KIF24: variants seen among roughly 807,000 people sequenced by gnomAD.
KIF24 encodes kinesin family member 24.
Under a neutral mutation model 118.9 loss-of-function variants are expected in KIF24, and 81 were observed. That is an observed-to-expected ratio of 0.68 (90% CI 0.57 to 0.82). The LOEUF is 0.82. Among genes scored for constraint, KIF24 ranks in the 40% least tolerant of loss-of-function variants. The probability of loss-of-function intolerance (pLI) is 0.00; values close to 1 mark genes in which losing one functional copy is unlikely to be tolerated. For missense variants in KIF24, 1,560 were observed against 1,661.6 expected, an observed-to-expected ratio of 0.94 and a Z score of 1.06; for synonymous variants, 599 against 610.0, an observed-to-expected ratio of 0.98 and a Z score of 0.27.
intron 3 of KIF24, among the ~76,000 whole-genome samples, chr9:34,301,338 C>T (rs1836698399): frequency 6.6e-6 from 1 of 151,532 alleles, no homozygotes; most frequent in Non-Finnish European, 1.5e-5. Flanking sequence ...ACCTCCACCT[C>T]CCAGGTTCAA....
At chr9:34,310,579 T>C in intron 2 of KIF24, 145 bp downstream of exon 2, 1 of 565,356 alleles carries the variant, frequency 1.8e-6, no homozygotes, top group Non-Finnish European at 3.0e-6. Context: ...ATTCCTATTA[T>C]TGATGCAAAT....
At chr9:34,312,578 G>A (rs1837205263) in intron 1 of KIF24, among the ~76,000 whole-genome samples, 1 of 152,188 alleles carries the variant, frequency 6.6e-6, no homozygotes, top group South Asian at 2.1e-4. Context: ...AGAGGTGAGG[G>A]CAAGGTAATA....
intron 1 of KIF24, among the ~76,000 whole-genome samples, chr9:34,317,387 TAA>T (rs34841457): frequency 9.7e-5 from 14 of 144,920 alleles, no homozygotes; most frequent in South Asian, 2.2e-4. Flanking sequence ...GAGACTGTCT[TAA>T]AAAAAAAAAA....
intron 5 of KIF24, among the ~76,000 whole-genome samples, chr9:34,287,869 T>C (rs942345571): frequency 6.7e-6 from 1 of 149,274 alleles, no homozygotes; most frequent in African/African-American, 2.5e-5. Flanking sequence ...GAATAGTCAC[T>C]ATGTTACAGC....
intron 1 of KIF24, among the ~76,000 whole-genome samples, chr9:34,320,332 C>CAAAAAAAAAAAAAAAAAA (rs66835823): frequency 9.4e-6 from 1 of 106,332 alleles, no homozygotes; most frequent in African/African-American, 4.0e-5. Flanking sequence ...AATGTTCCAA[C>CAAAAAAAAAAAAAAAAAA]AAAAAAAAAA....
At chr9:34,302,798 C>T (rs1445018313) in intron 3 of KIF24, among the ~76,000 whole-genome samples, 11 of 139,760 alleles carry the variant, frequency 7.9e-5, no homozygotes, top group Admixed American at 1.5e-4. Flanking sequence ...TTTTCTGAGA[C>T]GGAGTCTCCC....
At chr9:34,295,181 T>C (rs538983632) in intron 4 of KIF24, among the ~76,000 whole-genome samples, 3 of 133,004 alleles carry the variant, frequency 2.3e-5, no homozygotes, top group Admixed American at 8.1e-5. Context: ...GGTAGGTGGA[T>C]TGGATGGATG....
chr9:34,326,582 T>A (rs1837678684), intron 1 of KIF24, among the ~76,000 whole-genome samples: 1 of 152,128 alleles, frequency 6.6e-6, no homozygotes, highest in African/African-American at 2.4e-5. Context: ...GAGTCACTTA[T>A]GTAAAAATCA....
chr9:34,331,079 A>T (rs1462230046), upstream of KIF24, among the ~76,000 whole-genome samples: 1 of 152,234 alleles, frequency 6.6e-6, no homozygotes. Context: ...CAGTTAAGGG[A>T]AAAAAGGTAA....
intron 1 of KIF24, among the ~76,000 whole-genome samples, chr9:34,324,898 C>A (rs1410607300): frequency 6.6e-6 from 1 of 152,146 alleles, no homozygotes; most frequent in Non-Finnish European, 1.5e-5. Context: ...CTGGTCTCCC[C>A]CAATGTGATC....
intron 3 of KIF24, among the ~76,000 whole-genome samples, chr9:34,297,684 C>T (rs1836538692): frequency 6.6e-6 from 1 of 151,676 alleles, no homozygotes; most frequent in Non-Finnish European, 1.5e-5. Flanking sequence ...ATGGCGTGAA[C>T]CCAGGAGGTG....
At chr9:34,258,026 T>G in intron 10 of KIF24, 45 bp from the exon 11 acceptor site, 3 of 1,387,544 alleles carry the variant, frequency 2.2e-6, no homozygotes, top group Non-Finnish European at 3.0e-6. Context: ...TCACATGTTC[T>G]GCAATTCCTT....
chr9:34,329,820 T>C (rs1268173736), upstream of KIF24, among the ~76,000 whole-genome samples: 4 of 151,596 alleles, frequency 2.6e-5, no homozygotes, highest in Non-Finnish European at 5.9e-5. Flanking sequence ...TCCCTGACTC[T>C]GAGCCTTGCT....
intron 7 of KIF24, among the ~76,000 whole-genome samples, chr9:34,270,772 CTTT>C (rs909845624): frequency 7.0e-6 from 1 of 141,898 alleles, no homozygotes. Flanking sequence ...TAATTTTTAC[CTTT>C]TTTTTTTTTT....
chr9:34,257,605 A>G lies in KIF24; in HGVS notation c.2002T>C (p.Leu668=), dbSNP rs1449997550. The G allele has an allele frequency of 1.9e-6, 3 of 1,614,084 alleles. No homozygotes were observed. The highest frequency in any genetic ancestry group is 2.5e-6 in the Non-Finnish European group (3 of 1,179,906). The change falls in exon 11 of 13, where the codon TTG becomes CTG. Residue 668 remains leucine, a synonymous_variant. Coordinates refer to ENST00000402558, the MANE Select transcript of KIF24 (RefSeq NM_194313.4). ...CCCATTCGATTTTTCTCAGAGCACA[A>G]TGGTGCTGACTCTTCTGGCTTTTTT... The part of the protein sequence containing the change: ...AKKKPEESAP[L]CSEKNRMGNK...
rs1405706229 is a variant in KIF24, at chr9:34,290,198, T to C, written c.1103A>G (p.Tyr368Cys). 1 of 1,613,766 alleles carries C rather than the reference T, an allele frequency of 6.2e-7. No homozygotes were observed. Residue 368 changes from tyrosine (Y) to cysteine (C), a missense_variant, in exon 5 of 13, where the codon TAT (tyrosine) becomes TGT (cysteine). Tyr to Cys is a radical substitution (Grantham distance 194, BLOSUM62 -2). This residue lies in a region of KIF24 where 964 missense variants were observed against 988.0 expected (regional missense o/e 0.98). Transcript: ENST00000402558. ...SFYEIYCGQL[Y>C]DLLNRRKRLF... The stretch of plus-strand genomic sequence containing the variant: ...CCTTTTTCTTCTATTTAGGAGGTCA[T>C]AAAGCTGTCCACAGTAAATTTCATA...
At chr9:34,272,000 T>C in intron 6 of KIF24, 70 bp from the exon 7 acceptor site, 2 of 1,432,016 alleles carry the variant, frequency 1.4e-6, no homozygotes, top group Non-Finnish European at 1.9e-6. Flanking sequence ...AAGAGTTGGC[T>C]AAGAGCAGTA....
chr9:34,254,980 C>T, intron 12 of KIF24, 92 bp downstream of exon 12: 3 of 866,698 alleles, frequency 3.5e-6, no homozygotes, highest in Non-Finnish European at 1.8e-6. Flanking sequence ...AGACCCTTTC[C>T]CCACACACAG....
chr9:34,259,501 ACACACACACGCGTGCACACATG>A, intron 10 of KIF24, 73 bp downstream of exon 10: 2 of 846,102 alleles, frequency 2.4e-6, no homozygotes, highest in Non-Finnish European at 3.9e-6. Flanking sequence ...ATGCACTTGC[ACACACACACGCGTGCACACATG>A]CTCACACACG....
Sources: gnomAD v4.1 joint callset for allele counts (sites outside exome capture counted in the v4.1 genomes callset) on GRCh38, gnomAD v4.1.1 for gene constraint, gnomAD v4.1.1 regional missense constraint, MANE v1.5 for transcripts, NCBI Gene and HGNC (gene_info 2026-07-23, HGNC 2026-07-21) for gene names.